DGKK: variants seen among roughly 807,000 people sequenced by gnomAD.
The protein encoded by DGKK is diacylglycerol kinase kappa, also known as 142 kDa diacylglycerol kinase.
DGKK carries 35 observed loss-of-function variants against 92.2 expected under a neutral mutation model. That is an observed-to-expected ratio of 0.38 (90% confidence interval 0.29 to 0.50). The LOEUF (loss-of-function observed/expected upper bound fraction) is 0.50. DGKK is among the 20% of genes least tolerant of loss of function. DGKK has a pLI of 0.92. For synonymous variants in DGKK, 368 were observed against 360.6 expected (o/e 1.02, Z -0.23); for missense variants, 910 against 992.2 (o/e 0.92, Z 1.11).
At chrX:50,469,942 G>A in intron 1 of DGKK, 92 bp downstream of exon 1, 1 of 1,093,180 alleles carries the variant, frequency 9.1e-7, no homozygotes, top group Non-Finnish European at 1.2e-6. Context: ...CCAGACAAGC[G>A]GGATGCAAGG....
At chrX:50,438,652 T>C (rs1315904508) in intron 1 of DGKK, among the ~76,000 whole-genome samples, 1 of 111,807 alleles carries the variant, frequency 8.9e-6, no homozygotes, top group Non-Finnish European at 1.9e-5. Context: ...GGCACCAATA[T>C]GGCACCTGGG....
chrX:50,401,156 A>G lies in DGKK; in HGVS notation c.1309-17T>C, dbSNP rs782804303. ...ATCATGCACCTGAAACGACAAGAGAAGAGCAGAGAAAAAAAAGGAGGGGGA... is the reference window on the plus strand; with the variant it reads ...ATCATGCACCTGAAACGACAAGAGAGGAGCAGAGAAAAAAAAGGAGGGGGA... On this transcript the variant is annotated splice_polypyrimidine_tract_variant and intron_variant, in intron 7 of 27. Coordinates refer to ENST00000611977, the MANE Select transcript of DGKK (RefSeq NM_001013742.4). The G allele has an allele frequency of 1.7e-6, 2 of 1,163,471 alleles. No individual in the cohort carries two copies. The highest frequency in any genetic ancestry group is 2.4e-5 in the Admixed American group (1 of 41,738).
chrX:50,379,347 G>A (rs1394306464), intron 20 of DGKK, among the ~76,000 whole-genome samples: 5 of 105,582 alleles, frequency 4.7e-5, no homozygotes, highest in Admixed American at 2.0e-4. Context: ...GCATGGTCTA[G>A]ATAGCCTTTA....
Position 50,370,464 on chromosome X carries a change from C to A in DGKK, c.3698G>T (p.Arg1233Leu). ...GACACTCTGGCCTGATTTAGGCTTGCGTTCCTCTTCTACCTTTTTCTTTCC... is the reference window on the plus strand; with the variant it reads ...GACACTCTGGCCTGATTTAGGCTTGAGTTCCTCTTCTACCTTTTTCTTTCC... ...KLGKKKVEEE[R>L]KPKSGQSVQS... is the part of the protein sequence containing the mutation. The change falls in exon 27 of 28, where the codon CGC becomes CTC. Residue 1233 changes from arginine to leucine, a missense_variant. Coordinates refer to ENST00000611977, the MANE Select transcript of DGKK (RefSeq NM_001013742.4). 8.4e-7 allele frequency: 1 copy of A among 1,192,137 alleles called. No individual in the cohort carries two copies. The highest frequency in any genetic ancestry group is 1.1e-6 in the Non-Finnish European group (1 of 884,976).
intron 1 of DGKK, among the ~76,000 whole-genome samples, chrX:50,442,727 G>C (rs1416035066): frequency 9.0e-6 from 1 of 111,583 alleles, no homozygotes; most frequent in Non-Finnish European, 1.9e-5. Flanking sequence ...TAGAGGCTCA[G>C]GCACAGCTTA....
At chrX:50,380,651 G>A (rs988363895) in intron 18 of DGKK, among the ~76,000 whole-genome samples, 5 of 111,527 alleles carry the variant, frequency 4.5e-5, no homozygotes, top group Non-Finnish European at 7.5e-5. Flanking sequence ...AGACAGGAAA[G>A]GATATCAGGT....
intron 9 of DGKK, 145 bp downstream of exon 9, chrX:50,393,007 G>C: frequency 2.0e-6 from 1 of 496,604 alleles, no homozygotes; most frequent in Non-Finnish European, 3.2e-6. Context: ...AGGCTCTGGA[G>C]TTATGTGCTT....
chrX:50,436,135 G>T (rs150052043), intron 1 of DGKK, among the ~76,000 whole-genome samples: 3 of 112,113 alleles, frequency 2.7e-5, no homozygotes, highest in Admixed American at 1.9e-4. Flanking sequence ...TACTGGCCAG[G>T]TAACAAAGCT....
intron 1 of DGKK, among the ~76,000 whole-genome samples, chrX:50,453,148 A>C (rs1451377667): frequency 9.0e-6 from 1 of 111,371 alleles, no homozygotes; most frequent in Non-Finnish European, 1.9e-5. Flanking sequence ...CCATTATCCC[A>C]CTTTGTTTAG....
intron 12 of DGKK, among the ~76,000 whole-genome samples, chrX:50,389,975 C>T (rs1389700242): frequency 9.0e-6 from 1 of 111,650 alleles, no homozygotes; most frequent in African/African-American, 3.3e-5. Flanking sequence ...CCCTCTACTT[C>T]CTTATATACT....
intron 12 of DGKK, among the ~76,000 whole-genome samples, chrX:50,389,964 C>A (rs151235729): frequency 3.6e-4 from 40 of 111,481 alleles, no homozygotes; most frequent in Middle Eastern, 4.7e-3. Flanking sequence ...TGTTCCCAAC[C>A]CCCTCTACTT....
At chrX:50,448,761 C>T (rs1185587270) in intron 1 of DGKK, among the ~76,000 whole-genome samples, 1 of 111,024 alleles carries the variant, frequency 9.0e-6, no homozygotes, top group African/African-American at 3.3e-5. Context: ...TGAAGGTGTC[C>T]CAACAGTGAA....
chrX:50,442,452 T>G (rs1302453392), intron 1 of DGKK, among the ~76,000 whole-genome samples: 1 of 110,599 alleles, frequency 9.0e-6, no homozygotes, highest in East Asian at 2.9e-4. Flanking sequence ...GGTACCCCCT[T>G]GACAAATAAG....
At chrX:50,423,668 T>C (rs1925660116) in intron 2 of DGKK, among the ~76,000 whole-genome samples, 2 of 111,833 alleles carry the variant, frequency 1.8e-5, no homozygotes, top group Admixed American at 1.9e-4. Flanking sequence ...AGTTTTTTTA[T>C]ACTACTGAGA....
chrX:50,470,049 C>T lies in DGKK; in HGVS notation c.630G>A (p.Ser210=), dbSNP rs1557234338. The T allele has an allele frequency of 8.3e-7, 1 of 1,204,047 alleles. No homozygotes were observed. The highest frequency in any genetic ancestry group is 1.1e-6 in the Non-Finnish European group (1 of 891,733). ...TTTTGCTTACCTTTATTCTGGACCA[C>T]GACATTGGCGTTCTGGGCGATGGCG... The part of the protein sequence containing the change: ...SPSPSPRTPM[S]WSRIKKILKE... The change falls in exon 1 of 28, where the codon TCG becomes TCA. Residue 210 remains serine (S), a synonymous_variant. Transcript: ENST00000611977.
chrX:50,384,265 C>G lies in DGKK; in HGVS notation c.2453-1G>C. On this transcript the variant is annotated splice_acceptor_variant, in intron 16 of 27. Coordinates refer to ENST00000611977, the MANE Select transcript of DGKK (RefSeq NM_001013742.4). LOFTEE classifies it high-confidence loss of function. ...GAAGACAAAGTGCCACGACGAGAAC[C>G]TAGACACAAAAGACATCACTTGGGT... is the stretch of plus-strand genomic sequence containing the variant. The G allele has an allele frequency of 8.7e-7, 1 of 1,147,015 alleles. No individual in the cohort carries two copies. The highest frequency in any genetic ancestry group is 1.2e-6 in the Non-Finnish European group (1 of 854,641). 94.5% of individuals were successfully genotyped at this position (1,147,015 alleles called of 1,213,427 possible).
intron 1 of DGKK, among the ~76,000 whole-genome samples, chrX:50,438,716 T>TA (rs1170030523): frequency 4.5e-5 from 5 of 111,844 alleles, no homozygotes; most frequent in African/African-American, 1.6e-4. Flanking sequence ...CCACCAGCAG[T>TA]AACCTGCTGT....
At chrX:50,402,542 C>T (rs910634776) in intron 7 of DGKK, among the ~76,000 whole-genome samples, 15 of 111,819 alleles carry the variant, frequency 1.3e-4, no homozygotes, top group African/African-American at 4.6e-4. Flanking sequence ...GACCTTGGAC[C>T]CCTTCACTTT....
Position 50,404,173 on chromosome X carries a change from T to C in DGKK, c.954A>G (p.Ala318=), listed in dbSNP as rs781864734. Reference sequence around the variant, plus strand: ...TTCCAACAAGAAAAGGGTTGTTTTCTGCTGCAGGTATCTAAAATAAATAAA... The same window carrying C: ...TTCCAACAAGAAAAGGGTTGTTTTCCGCTGCAGGTATCTAAAATAAATAAA... ...QQGEIYKIPA[A]ENNPFLVGMH... is the part of the protein sequence containing the mutation. Residue 318 remains alanine, a synonymous_variant, in exon 5 of 28, where the codon GCA becomes GCG. Transcript: ENST00000611977. The C allele has an allele frequency of 8.3e-7, 1 of 1,206,411 alleles. No individual in the cohort carries two copies. The highest frequency in any genetic ancestry group is 1.1e-6 in the Non-Finnish European group (1 of 892,833).
Sources: allele counts gnomAD v4.1 joint callset (sites outside exome capture counted in the v4.1 genomes callset), GRCh38; gene constraint gnomAD v4.1.1; transcripts MANE v1.5; gene names NCBI Gene and HGNC (gene_info 2026-07-23, HGNC 2026-07-21).